Variants in TTC29 observed in about 807,000 individuals in gnomAD.
TTC29 encodes the protein tetratricopeptide repeat domain 29.
TTC29 carries 49 observed loss-of-function variants against 58.1 expected under a neutral mutation model. The ratio of observed to expected loss-of-function variants is 0.84; its 90% CI spans 0.67 to 1.07. The LOEUF (loss-of-function observed/expected upper bound fraction) is 1.07. Among genes scored for constraint, TTC29 ranks in the 50% least tolerant of loss-of-function variants. The pLI, the probability that TTC29 is intolerant of heterozygous loss-of-function variation, is 0.00. For synonymous variants in TTC29, 209 were observed against 196.8 expected (o/e 1.06, Z -0.52); for missense variants, 582 against 555.6 (o/e 1.05, Z -0.48).
At chr4:146,819,865 G>T (rs1169969197) in intron 10 of TTC29, among the ~76,000 whole-genome samples, 1 of 152,072 alleles carries the variant, frequency 6.6e-6, no homozygotes, top group Non-Finnish European at 1.5e-5. Context: ...ATCCTCACTG[G>T]ATGTGAATCT....
chr4:146,747,282 G>C (rs772538487), intron 11 of TTC29, among the ~76,000 whole-genome samples: 3 of 152,114 alleles, frequency 2.0e-5, no homozygotes, highest in Admixed American at 6.5e-5. Flanking sequence ...GTACCATCTT[G>C]ATACTGGAGC....
In TTC29 at chr4:146,892,743, T is replaced by C. The variant is rs554329534; in HGVS notation, c.586+10801A>G. 2.0e-5 allele frequency among the ~76,000 whole-genome samples: 3 copies of C among 152,326 alleles called. No homozygotes were observed. In the South Asian group the frequency reaches 6.2e-4, roughly 32 times the overall value. On this transcript the variant is annotated intron_variant, in intron 6 of 12. Transcript: ENST00000325106. Reference sequence around the variant, plus strand: ...CAATTAGGAAAAGAGGAAGTCAAATTGTCCCTGTTTGCAGATGACATGACT... The same window carrying C: ...CAATTAGGAAAAGAGGAAGTCAAATCGTCCCTGTTTGCAGATGACATGACT...
At chr4:146,720,275 C>T (rs112825524) in intron 11 of TTC29, among the ~76,000 whole-genome samples, 12 of 152,186 alleles carry the variant, frequency 7.9e-5, no homozygotes, top group African/African-American at 2.6e-4. Flanking sequence ...TTATGTAATA[C>T]GACTTTAGAC....
Sources: allele counts gnomAD v4.1 joint callset (sites outside exome capture counted in the v4.1 genomes callset), GRCh38; gene constraint gnomAD v4.1.1; transcripts MANE v1.5; gene names NCBI Gene and HGNC (gene_info 2026-07-23, HGNC 2026-07-21).